FAM110B: variants seen among roughly 807,000 people sequenced by gnomAD.
FAM110B encodes protein FAM110B.
A neutral mutation model predicts 20.4 loss-of-function variants in FAM110B; 6 were observed. That is an observed-to-expected ratio of 0.29 (90% CI 0.16 to 0.58). FAM110B has a LOEUF of 0.58. Ranked by LOEUF, FAM110B falls within the 20% of genes least tolerant of loss-of-function variation. The probability of loss-of-function intolerance (pLI) is 0.90; values close to 1 mark genes in which losing one functional copy is unlikely to be tolerated. For synonymous variants in FAM110B, 226 were observed against 214.1 expected, an observed-to-expected ratio of 1.06 and a Z score of -0.49; for missense variants, 434 against 498.2, an observed-to-expected ratio of 0.87 and a Z score of 1.23.
At chr8:58,012,493 G>A (rs1480336723) in intron 1 of FAM110B, among the ~76,000 whole-genome samples, 2 of 151,882 alleles carry the variant, frequency 1.3e-5, no homozygotes, top group African/African-American at 2.4e-5. Flanking sequence ...AAATATTTGT[G>A]TACTTTTTTC....
intron 3 of FAM110B, among the ~76,000 whole-genome samples, chr8:58,119,983 C>T (rs1157319145): frequency 2.6e-5 from 4 of 152,130 alleles, no homozygotes; most frequent in African/African-American, 7.2e-5. Context: ...CAGGGCCAAG[C>T]CAAGGTCGGT....
chr8:58,046,440 G>A (rs1340934392), intron 2 of FAM110B, among the ~76,000 whole-genome samples: 3 of 152,170 alleles, frequency 2.0e-5, no homozygotes, highest in Non-Finnish European at 4.4e-5. Context: ...TGGGGCCCAG[G>A]AGTTAACTAA....
rs1335859641 is a variant in FAM110B at position 58,047,301 on chromosome 8, A to G, written c.-414+15598A>G. Among the ~76,000 whole-genome samples, 4 of 152,286 alleles carry G rather than the reference A, an allele frequency of 2.6e-5. No homozygotes were observed. In the East Asian group the frequency reaches 7.7e-4, roughly 29 times the overall value. Reference sequence around the variant, plus strand: ...CCCAGGAGTCTCAGCCTATCTGCAGAGAAGAGGTAAATATTAAGTACCTGA... The same window carrying G: ...CCCAGGAGTCTCAGCCTATCTGCAGGGAAGAGGTAAATATTAAGTACCTGA... On this transcript the variant is annotated intron_variant, in intron 2 of 3. Transcript: ENST00000519262.
intron 2 of FAM110B, among the ~76,000 whole-genome samples, chr8:58,066,984 C>A (rs867405408): frequency 6.6e-6 from 1 of 152,162 alleles, no homozygotes; most frequent in Non-Finnish European, 1.5e-5. Flanking sequence ...CTCTCCAGGA[C>A]CCTTCTCCTT....
intron 3 of FAM110B, among the ~76,000 whole-genome samples, chr8:58,077,465 T>A (rs1422490809): frequency 6.6e-6 from 1 of 152,160 alleles, no homozygotes; most frequent in Non-Finnish European, 1.5e-5. Flanking sequence ...TGCAGTTGAG[T>A]TTGCAGCCCT....
intron 2 of FAM110B, among the ~76,000 whole-genome samples, chr8:58,043,949 T>C (rs1426178985): frequency 6.6e-6 from 1 of 152,258 alleles, no homozygotes; most frequent in Non-Finnish European, 1.5e-5. Context: ...TTGACTGCTA[T>C]ACTGTAGTGT....
chr8:58,096,337 G>A (rs182535501), intron 3 of FAM110B, among the ~76,000 whole-genome samples: 20 of 152,134 alleles, frequency 1.3e-4, no homozygotes, highest in Middle Eastern at 3.4e-3. Flanking sequence ...CACCACACCC[G>A]GCTAATTTTT....
chr8:58,048,153 G>A (rs2150579593), intron 2 of FAM110B, among the ~76,000 whole-genome samples: 1 of 152,306 alleles, frequency 6.6e-6, no homozygotes, highest in Middle Eastern at 3.4e-3. Context: ...ACAGCAGTCT[G>A]TAGTGGTTTT....
At chr8:58,015,844 CA>C (rs11318984) in intron 1 of FAM110B, among the ~76,000 whole-genome samples, 43,739 of 101,356 alleles carry the variant, frequency 0.43, 6,012 homozygotes, top group Middle Eastern at 0.54. Flanking sequence ...GACTTTGTCT[CA>C]AAAAAAAAAA....
chr8:58,097,064 A>G (rs1806651538), intron 3 of FAM110B, among the ~76,000 whole-genome samples: 1 of 152,062 alleles, frequency 6.6e-6, no homozygotes, highest in Admixed American at 6.5e-5. Context: ...TGTTCACTGT[A>G]TTTCCTGAAT....
At chr8:58,142,060 C>T (rs1224379774) in intron 3 of FAM110B, among the ~76,000 whole-genome samples, 6 of 152,214 alleles carry the variant, frequency 3.9e-5, no homozygotes, top group Non-Finnish European at 8.8e-5. Flanking sequence ...CTGACTGCAC[C>T]TGTGAGGAGC....
chr8:58,048,740 G>A (rs1805379615), intron 2 of FAM110B, among the ~76,000 whole-genome samples: 1 of 152,162 alleles, frequency 6.6e-6, no homozygotes, highest in Non-Finnish European at 1.5e-5. Context: ...TTCATTATGT[G>A]CCTGTTATTT....
At chr8:58,074,505 A>G (rs1339350644) in intron 2 of FAM110B, among the ~76,000 whole-genome samples, 2 of 152,148 alleles carry the variant, frequency 1.3e-5, no homozygotes, top group African/African-American at 4.8e-5. Context: ...TAATGGAGCC[A>G]CCTCAGTGGG....
chr8:58,146,312 C>G lies in FAM110B; in HGVS notation c.82C>G (p.Arg28Gly). 2 of 1,614,002 alleles carry G rather than the reference C, an allele frequency of 1.2e-6. No individual in the cohort carries two copies. The highest frequency in any genetic ancestry group is 8.5e-7 in the Non-Finnish European group (1 of 1,179,996). ...CACCTTCACCTCTGCTGTGCCCCTGCGCATCCTGAACAAGGGGCCAGACTA... is the reference window on the plus strand; with the variant it reads ...CACCTTCACCTCTGCTGTGCCCCTGGGCATCCTGAACAAGGGGCCAGACTA... ...AGTFTSAVPLRILNKGPDYFR... is the reference protein window; with the variant it reads ...AGTFTSAVPLGILNKGPDYFR... Residue 28 changes from arginine (R) to glycine (G), a missense_variant, in exon 4 of 4, where the codon CGC (arginine) becomes GGC (glycine). Arg to Gly is a moderately radical substitution (Grantham distance 125). Coordinates refer to ENST00000519262, the MANE Select transcript of FAM110B (RefSeq NM_001377989.1).
Position 58,147,236 on chromosome 8 carries a change from G to C in FAM110B, c.1006G>C (p.Asp336His). The C allele has an allele frequency of 6.2e-7, 1 of 1,614,084 alleles. No homozygotes were observed. The highest frequency in any genetic ancestry group is 8.5e-7 in the Non-Finnish European group (1 of 1,180,006). The change falls in exon 4 of 4, where the codon GAC (aspartate) becomes CAC (histidine). Residue 336 changes from aspartate to histidine, a missense_variant. Asp to His is a moderately conservative substitution (Grantham distance 81). Around this residue, in one of 3 missense-constraint regions of FAM110B, gnomAD observed 94 missense variants for 137.8 expected, o/e 0.68. Coordinates refer to ENST00000519262, the MANE Select transcript of FAM110B (RefSeq NM_001377989.1). Reference protein sequence around the residue: ...SDLRNDDSANDRVPYGISAIE... With the variant: ...SDLRNDDSANHRVPYGISAIE... ...CCTTAGAAATGATGACAGTGCCAATGACCGCGTGCCGTATGGCATTTCTGC... is the reference window on the plus strand; with the variant it reads ...CCTTAGAAATGATGACAGTGCCAATCACCGCGTGCCGTATGGCATTTCTGC...
At position 58,146,126 on chromosome 8, in the gene FAM110B, G is replaced by A; in HGVS notation, c.-105G>A. ...CGCTGCTGCTGACACTCGCTCCCAG[G>A]CTGCACCCGCCGCCCTTGGCGCTTC... On this transcript the variant is annotated 5_prime_UTR_variant, in exon 4 of 4. Transcript: ENST00000519262. 7.3e-7 allele frequency: 1 copy of A among 1,371,370 alleles called. No homozygotes were observed. The allele number at this position is 1,371,370 out of a possible 1,614,324, so 85.0% of individuals were successfully genotyped here.
chr8:58,047,591 C>CCTCTCTCTCTCTCT (rs56031012), intron 2 of FAM110B, among the ~76,000 whole-genome samples: 1,949 of 74,642 alleles, frequency 0.026, 278 homozygotes, highest in Non-Finnish European at 0.038. Flanking sequence ...CTTCCTTTTT[C>CCTCTCTCTCTCTCT]CTCTCTCTCT....
At chr8:58,080,704 T>C (rs1373408971) in intron 3 of FAM110B, among the ~76,000 whole-genome samples, 1 of 152,202 alleles carries the variant, frequency 6.6e-6, no homozygotes, top group East Asian at 1.9e-4. Context: ...TCTGGTATCA[T>C]GTGTGTGTAT....
At chr8:58,127,458 T>C (rs1377099946) in intron 3 of FAM110B, among the ~76,000 whole-genome samples, 2 of 151,982 alleles carry the variant, frequency 1.3e-5, no homozygotes, top group Admixed American at 1.3e-4. Flanking sequence ...TGCTTGACCT[T>C]CTCCCTCATT....
Sources: allele counts gnomAD v4.1 joint callset (sites outside exome capture counted in the v4.1 genomes callset), GRCh38; gene constraint gnomAD v4.1.1; regional missense constraint gnomAD v4.1.1; transcripts MANE v1.5; gene names NCBI Gene and HGNC (gene_info 2026-07-23, HGNC 2026-07-21).